Variants in CELF5 observed in about 807,000 individuals in gnomAD.
The protein encoded by CELF5 is CUG-BP and ETR-3 like factor 5.
Under a neutral mutation model 54.9 loss-of-function variants are expected in CELF5, and 6 were observed. The observed-to-expected ratio is 0.11, with a 90% CI of 0.06 to 0.22. CELF5 has a LOEUF of 0.22. CELF5 is among the 10% of genes least tolerant of loss of function. The pLI is 1.00. For synonymous variants in CELF5, 271 were observed against 290.9 expected (o/e 0.93, Z 0.70); for missense variants, 401 against 678.6 (o/e 0.59, Z 4.54).
chr19:3,273,818 C>G, intron 2 of CELF5, 54 bp from the exon 3 acceptor site: 2 of 1,140,950 alleles, frequency 1.8e-6, no homozygotes, highest in Non-Finnish European at 2.7e-6. Context: ...AAACCCCCCG[C>G]CTGCCACACC....
chr19:3,288,874 G>A (rs2080296344), intron 10 of CELF5, among the ~76,000 whole-genome samples: 1 of 152,076 alleles, frequency 6.6e-6, no homozygotes, highest in Non-Finnish European at 1.5e-5. Flanking sequence ...GCTGGCAAGC[G>A]CAGGGATTCC....
At chr19:3,241,360 T>A (rs12461786) in intron 1 of CELF5, among the ~76,000 whole-genome samples, 1 of 151,290 alleles carries the variant, frequency 6.6e-6, no homozygotes, top group Admixed American at 6.6e-5. Context: ...GGATTACAGG[T>A]GTGAGCCACC....
intron 1 of CELF5, chr19:3,225,628 A>C: frequency 2.0e-6 from 2 of 978,140 alleles, no homozygotes; most frequent in Non-Finnish European, 2.4e-6. Flanking sequence ...GGTAACTACA[A>C]AGGAAGACGG....
intron 4 of CELF5, among the ~76,000 whole-genome samples, chr19:3,276,627 C>CT (rs2080058163): frequency 7.2e-6 from 1 of 139,082 alleles, no homozygotes; most frequent in African/African-American, 2.5e-5. Flanking sequence ...CCGCTTGATC[C>CT]TACCTGCATG....
Position 3,275,402 on chromosome 19 carries a change from C to A in CELF5, c.395-454C>A, listed in dbSNP as rs898465870. Among the ~76,000 whole-genome samples, 1 of 152,338 alleles carries A rather than the reference C, an allele frequency of 6.6e-6. No homozygotes were observed. The highest frequency in any genetic ancestry group is 1.9e-4 in the East Asian group (1 of 5,188). ...GCTGGGCACCGTGAAAGTGCGGGGACCATCAGTGCCCACCTCCGCCTGGCA... is the reference window on the plus strand; with the variant it reads ...GCTGGGCACCGTGAAAGTGCGGGGAACATCAGTGCCCACCTCCGCCTGGCA... On this transcript the variant is annotated intron_variant, in intron 3 of 12. Transcript: ENST00000292672. This position sits in a 1 kb window ranked among gnomAD's most constrained non-coding sequence, Gnocchi z 6.7.
chr19:3,257,378 A>G (rs2079742593), intron 2 of CELF5, among the ~76,000 whole-genome samples: 1 of 152,192 alleles, frequency 6.6e-6, no homozygotes, highest in South Asian at 2.1e-4. Flanking sequence ...CACAGTGAGC[A>G]GCTTGAATTT....
chr19:3,284,741 T>G, intron 8 of CELF5, 161 bp from the exon 9 acceptor site: 1 of 655,414 alleles, frequency 1.5e-6, no homozygotes, highest in South Asian at 1.8e-5. Flanking sequence ...TGCAAGTGGC[T>G]TCACCTTCCT....
intron 5 of CELF5, among the ~76,000 whole-genome samples, chr19:3,279,393 G>T (rs925952001): frequency 6.6e-6 from 1 of 152,124 alleles, no homozygotes; most frequent in African/African-American, 2.4e-5. Flanking sequence ...AGGAAGATGG[G>T]ACCTGAGAGG....
At position 3,275,872 on chromosome 19, in the gene CELF5, C is replaced by T. The variant is rs2080040356; in HGVS notation, c.411C>T (p.Phe137=). The change falls in exon 4 of 13, where the codon TTC becomes TTT. Residue 137 remains phenylalanine (F), a synonymous_variant. Coordinates refer to ENST00000292672, the MANE Select transcript of CELF5 (RefSeq NM_021938.4). The surrounding 1 kb of genome is among the most constrained non-coding windows in gnomAD (Gnocchi z 6.7). ...ESRGGRDRKL[F]VGMLNKQQSE... ...CGCCCACAGGGGACCGGAAGCTGTTCGTGGGGATGCTGAACAAGCAGCAGT... is the reference window on the plus strand; with the variant it reads ...CGCCCACAGGGGACCGGAAGCTGTTTGTGGGGATGCTGAACAAGCAGCAGT... 4 of 1,611,370 alleles carry T rather than the reference C, an allele frequency of 2.5e-6. No homozygotes were observed. In the East Asian group the frequency reaches 6.7e-5, roughly 27 times the overall value.
rs1277431087 is a variant in CELF5, at chr19:3,282,857, G to T, written c.1039+359G>T. On this transcript the variant is annotated intron_variant, in intron 8 of 12. Coordinates refer to ENST00000292672, the MANE Select transcript of CELF5 (RefSeq NM_021938.4). This position sits in a 1 kb window ranked among gnomAD's most constrained non-coding sequence, Gnocchi z 5.2. Reference sequence around the variant, plus strand: ...CTGTGTGCAAAAGGCTTCACACAGGGTCTCACTCTGTCGCCCAGGCTGCAT... The same window carrying T: ...CTGTGTGCAAAAGGCTTCACACAGGTTCTCACTCTGTCGCCCAGGCTGCAT... Among the ~76,000 whole-genome samples the T allele has an allele frequency of 1.3e-5, 2 of 152,182 alleles. No homozygotes were observed. The highest frequency in any genetic ancestry group is 2.9e-5 in the Non-Finnish European group (2 of 68,032).
chr19:3,240,101 C>G (rs1237755705), intron 1 of CELF5, among the ~76,000 whole-genome samples: 1 of 151,798 alleles, frequency 6.6e-6, no homozygotes, highest in Non-Finnish European at 1.5e-5. Context: ...CTTTACCTCC[C>G]AAGTTCAAGT....
intron 1 of CELF5, among the ~76,000 whole-genome samples, chr19:3,241,845 G>T (rs570265739): frequency 6.6e-6 from 1 of 152,208 alleles, no homozygotes; most frequent in African/African-American, 2.4e-5. Flanking sequence ...GCGCGACCTC[G>T]GCTCACTGCA....
intron 1 of CELF5, among the ~76,000 whole-genome samples, chr19:3,245,666 C>G (rs1365502490): frequency 6.6e-6 from 1 of 151,814 alleles, no homozygotes; most frequent in Non-Finnish European, 1.5e-5. Flanking sequence ...TGATTTCTCT[C>G]AGGCCTTAGG....
chr19:3,278,257 C>T lies in CELF5; in HGVS notation c.603+147C>T. The T allele has an allele frequency of 1.6e-6, 1 of 645,092 alleles. No individual in the cohort carries two copies. Among genetic ancestry groups the T allele is most frequent in the Non-Finnish European group, 2.7e-6 (1 of 366,500 alleles). 40.0% of individuals were successfully genotyped at this position (645,092 alleles called of 1,614,324 possible). On this transcript the variant is annotated intron_variant, in intron 5 of 12. Transcript: ENST00000292672. This position sits in a 1 kb window ranked among gnomAD's most constrained non-coding sequence, Gnocchi z 4.5. ...GGGGGCACAGGTGGAGAAAGAGGCG[C>T]AGTCCCTGGCTGTGGTCCCTGGAGT...
intron 1 of CELF5, among the ~76,000 whole-genome samples, chr19:3,248,737 C>T (rs1352073179): frequency 1.3e-5 from 2 of 152,134 alleles, no homozygotes; most frequent in African/African-American, 2.4e-5. Context: ...TACACCCAGA[C>T]GTGGAATTGC....
At chr19:3,274,754 G>A (rs1014841809) in intron 3 of CELF5, among the ~76,000 whole-genome samples, 1 of 152,116 alleles carries the variant, frequency 6.6e-6, no homozygotes, top group Non-Finnish European at 1.5e-5. Flanking sequence ...CATGGAGCAG[G>A]AGTGTTAGGA....
chr19:3,267,690 G>C (rs1435598166), intron 2 of CELF5, among the ~76,000 whole-genome samples: 4 of 152,212 alleles, frequency 2.6e-5, no homozygotes, highest in Non-Finnish European at 5.9e-5. Context: ...CAGCCACCCT[G>C]CTGCTCATCT....
intron 5 of CELF5, among the ~76,000 whole-genome samples, chr19:3,279,418 C>G (rs2080111527): frequency 6.6e-6 from 1 of 152,158 alleles, no homozygotes; most frequent in African/African-American, 2.4e-5. Flanking sequence ...AGCCACCTCT[C>G]TCAGCTCTTA....
chr19:3,258,120 G>A (rs1313289422), intron 2 of CELF5, among the ~76,000 whole-genome samples: 6 of 151,818 alleles, frequency 4.0e-5, no homozygotes, highest in Admixed American at 3.9e-4. Flanking sequence ...ACCAAGCCAG[G>A]ATAATTTTTG....
Sources: gnomAD v4.1 joint callset for allele counts (sites outside exome capture counted in the v4.1 genomes callset) on GRCh38, gnomAD v4.1.1 for gene constraint, Gnocchi (gnomAD v3.1) non-coding constraint, MANE v1.5 for transcripts, NCBI Gene and HGNC (gene_info 2026-07-23, HGNC 2026-07-21) for gene names.